Variants in XKR9 observed in about 807,000 individuals in gnomAD.
XKR9 encodes the protein XK-related protein 9.
Under a neutral mutation model 32.0 loss-of-function variants are expected in XKR9, and 32 were observed. The ratio of observed to expected loss-of-function variants is 1.00; its 90% CI spans 0.76 to 1.34. XKR9 has a LOEUF of 1.34. XKR9 is among the 40% of genes most tolerant of loss of function. The probability of loss-of-function intolerance (pLI) is 0.00; values close to 1 mark genes in which losing one functional copy is unlikely to be tolerated. For synonymous variants in XKR9, 168 were observed against 143.4 expected (o/e 1.17, Z -1.22); for missense variants, 546 against 429.7 (o/e 1.27, Z -2.39).
the XKR9 span, among the ~76,000 whole-genome samples, chr8:71,035,627 G>T: frequency 6.6e-6 from 1 of 152,256 alleles, no homozygotes; most frequent in South Asian, 2.1e-4. Context: ...ATTTGACAGT[G>T]GGGTAGACAC....
At chr8:70,767,353 TC>T (rs1365971196) in intron 2 of XKR9, among the ~76,000 whole-genome samples, 1 of 152,190 alleles carries the variant, frequency 6.6e-6, no homozygotes, top group Non-Finnish European at 1.5e-5. Context: ...TAGGAATTTA[TC>T]CATTTCTTCT....
chr8:71,036,273 G>C, the XKR9 span, among the ~76,000 whole-genome samples: 1 of 152,072 alleles, frequency 6.6e-6, no homozygotes, highest in Non-Finnish European at 1.5e-5. Context: ...TTATTTTACA[G>C]TATTATGGTG....
intron 2 of XKR9, among the ~76,000 whole-genome samples, chr8:70,743,877 C>T (rs1267251622): frequency 6.6e-6 from 1 of 151,952 alleles, no homozygotes; most frequent in Non-Finnish European, 1.5e-5. Context: ...CAGATGTCGA[C>T]CTCTCTCCAG....
At chr8:70,771,032 C>A (rs1034500572) in intron 2 of XKR9, among the ~76,000 whole-genome samples, 2 of 152,162 alleles carry the variant, frequency 1.3e-5, no homozygotes, top group Non-Finnish European at 2.9e-5. Context: ...AAACCCAGGG[C>A]CCTGGTGGTG....
intron 2 of XKR9, among the ~76,000 whole-genome samples, chr8:70,756,312 T>C (rs936528479): frequency 6.6e-6 from 1 of 152,344 alleles, no homozygotes; most frequent in Middle Eastern, 3.4e-3. Flanking sequence ...TTCCTCAGTT[T>C]ATTATTCATT....
downstream of XKR9, among the ~76,000 whole-genome samples, chr8:70,791,878 AT>A (rs1227016843): frequency 6.6e-5 from 10 of 152,070 alleles, no homozygotes; most frequent in African/African-American, 2.4e-4. Flanking sequence ...ATTTTAAGTG[AT>A]TTACCCCCTT....
At chr8:70,950,945 A>G in the XKR9 span, among the ~76,000 whole-genome samples, 1 of 152,144 alleles carries the variant, frequency 6.6e-6, no homozygotes, top group African/African-American at 2.4e-5. Flanking sequence ...AAGTGCTGGG[A>G]TTACAGGAGT....
Position 70,776,251 on chromosome 8 carries a change from A to C in XKR9, n.353-13088A>C, listed in dbSNP as rs868551556. Among the ~76,000 whole-genome samples, 3 of 152,230 alleles carry C rather than the reference A, an allele frequency of 2.0e-5. No individual in the cohort carries two copies. In the South Asian group the frequency reaches 6.2e-4, roughly 32 times the overall value. ...ATACAGTTTCTTTAATTGACAAGGGAGTTATTCAGATTTTCTGCTCTTCTA... is the reference window on the plus strand; with the variant it reads ...ATACAGTTTCTTTAATTGACAAGGGCGTTATTCAGATTTTCTGCTCTTCTA... On this transcript the variant is annotated intron_variant and non_coding_transcript_variant, in intron 2 of 3. Coordinates refer to the XKR9 transcript ENST00000520273.
intron 2 of XKR9, among the ~76,000 whole-genome samples, chr8:70,766,855 CAT>C (rs1186891771): frequency 1.2e-4 from 18 of 152,112 alleles, no homozygotes; most frequent in Admixed American, 9.8e-4. Context: ...TTGAGATAAT[CAT>C]GTGGTTTTTG....
chr8:71,020,294 G>T, the XKR9 span, among the ~76,000 whole-genome samples: 1 of 152,170 alleles, frequency 6.6e-6, no homozygotes, highest in Admixed American at 6.5e-5. Context: ...ATATGGCCTA[G>T]GTCATTCTGT....
At chr8:70,713,442 A>G (rs1006360130) in intron 4 of XKR9, among the ~76,000 whole-genome samples, 6 of 152,304 alleles carry the variant, frequency 3.9e-5, no homozygotes, top group Non-Finnish European at 7.4e-5. Flanking sequence ...GAAGCCCATC[A>G]TCTGACAAGC....
chr8:70,830,059 G>T, the XKR9 span, among the ~76,000 whole-genome samples: 2 of 151,912 alleles, frequency 1.3e-5, no homozygotes, highest in African/African-American at 2.4e-5. Context: ...TGTCATATTG[G>T]TTATAAATGT....
intron 4 of XKR9, among the ~76,000 whole-genome samples, chr8:70,710,611 G>C (rs960415869): frequency 2.6e-5 from 4 of 152,170 alleles, no homozygotes; most frequent in Admixed American, 2.6e-4. Context: ...GCTGAGGCAG[G>C]AGAATCGCTT....
the XKR9 span, among the ~76,000 whole-genome samples, chr8:71,021,736 C>G: frequency 6.6e-6 from 1 of 152,012 alleles, no homozygotes; most frequent in African/African-American, 2.4e-5. Flanking sequence ...CTCCTGACCT[C>G]GTGATCCGCC....
At chr8:70,704,620 A>C (rs1563435699) in intron 3 of XKR9, among the ~76,000 whole-genome samples, 1 of 152,184 alleles carries the variant, frequency 6.6e-6, no homozygotes, top group African/African-American at 2.4e-5. Flanking sequence ...AGAGTCTTGC[A>C]TTCTTAACTA....
At chr8:70,884,904 A>G in the XKR9 span, among the ~76,000 whole-genome samples, 1 of 152,210 alleles carries the variant, frequency 6.6e-6, no homozygotes, top group African/African-American at 2.4e-5. Context: ...GTTTGTTGAT[A>G]CCTACAAAAT....
At chr8:70,877,055 A>G in the XKR9 span, among the ~76,000 whole-genome samples, 1 of 152,196 alleles carries the variant, frequency 6.6e-6, no homozygotes, top group African/African-American at 2.4e-5. Context: ...TAATTGACTC[A>G]GTTCTGCATG....
the XKR9 span, among the ~76,000 whole-genome samples, chr8:71,004,998 C>CTTTTTTTTT: frequency 3.3e-4 from 16 of 48,230 alleles, no homozygotes; most frequent in Non-Finnish European, 5.4e-4. Flanking sequence ...TTAATCTATG[C>CTTTTTTTTT]TTTTTTTTTT....
chr8:70,730,065 T>G (rs1185056221), intron 4 of XKR9, among the ~76,000 whole-genome samples: 2 of 152,172 alleles, frequency 1.3e-5, no homozygotes, highest in Non-Finnish European at 2.9e-5. Flanking sequence ...ATATATTTTT[T>G]AAGGCAAAAC....
Sources: allele counts gnomAD v4.1 joint callset (sites outside exome capture counted in the v4.1 genomes callset), GRCh38; gene constraint gnomAD v4.1.1; transcripts MANE v1.5; gene names NCBI Gene and HGNC (gene_info 2026-07-23, HGNC 2026-07-21).